The following ST6GALNAC3 variants were observed in gnomAD, a reference collection of about 807,000 sequenced individuals.
ST6GALNAC3 encodes the protein alpha-N-acetylgalactosaminide alpha-2,6-sialyltransferase 3.
ST6GALNAC3 carries 25 observed loss-of-function variants against 32.7 expected under a neutral mutation model. That is an observed-to-expected ratio of 0.76 (90% CI 0.56 to 1.07). The LOEUF (loss-of-function observed/expected upper bound fraction) is 1.07. Among genes scored for constraint, ST6GALNAC3 ranks in the 50% least tolerant of loss-of-function variants. The pLI is 0.00. For missense variants in ST6GALNAC3, 355 were observed against 382.4 expected (o/e 0.93, Z 0.60); for synonymous variants, 129 against 133.1 (o/e 0.97, Z 0.21).
At chr1:76,231,475 C>A (rs1415996840) in intron 1 of ST6GALNAC3, among the ~76,000 whole-genome samples, 2 of 152,036 alleles carry the variant, frequency 1.3e-5, no homozygotes, top group African/African-American at 4.8e-5. Flanking sequence ...AACTCTATAC[C>A]CAGTAAACAA....
At chr1:76,214,399 G>GA (rs200887981) in intron 1 of ST6GALNAC3, among the ~76,000 whole-genome samples, 3,926 of 151,768 alleles carry the variant, frequency 0.026, 78 homozygotes, top group Non-Finnish European at 0.036. Context: ...GCAACCTCTT[G>GA]AAAAAAAATT....
At chr1:76,451,042 G>T (rs1317157996) in intron 3 of ST6GALNAC3, among the ~76,000 whole-genome samples, 1 of 152,070 alleles carries the variant, frequency 6.6e-6, no homozygotes, top group Non-Finnish European at 1.5e-5. Flanking sequence ...GGCTCCTTTT[G>T]GGTTCCACAT....
At chr1:76,563,259 G>A (rs977808955) in intron 3 of ST6GALNAC3, among the ~76,000 whole-genome samples, 1 of 152,178 alleles carries the variant, frequency 6.6e-6, no homozygotes, top group African/African-American at 2.4e-5. Flanking sequence ...AGGGGAGAAA[G>A]GGATGTTAGG....
intron 3 of ST6GALNAC3, among the ~76,000 whole-genome samples, chr1:76,463,410 T>G (rs912926571): frequency 6.6e-6 from 1 of 152,142 alleles, no homozygotes; most frequent in Non-Finnish European, 1.5e-5. Flanking sequence ...GATAAGACAG[T>G]TTTGACTTCA....
intron 2 of ST6GALNAC3, among the ~76,000 whole-genome samples, chr1:76,338,319 A>G (rs1358844236): frequency 1.3e-5 from 2 of 152,172 alleles, no homozygotes; most frequent in African/African-American, 4.8e-5. Context: ...TTGGTTAATT[A>G]TGTTTTGCCA....
At chr1:76,137,238 A>G (rs978972514) in intron 1 of ST6GALNAC3, among the ~76,000 whole-genome samples, 3 of 152,196 alleles carry the variant, frequency 2.0e-5, no homozygotes, top group Non-Finnish European at 2.9e-5. Flanking sequence ...ATTATATTGC[A>G]TCTGTCTGGG....
chr1:76,306,358 T>G (rs939117554), intron 1 of ST6GALNAC3, among the ~76,000 whole-genome samples: 5 of 152,042 alleles, frequency 3.3e-5, no homozygotes, highest in African/African-American at 1.2e-4. Flanking sequence ...CTCTTTCAGC[T>G]CCACAATCCA....
At chr1:76,078,624 G>A (rs78685162) in intron 1 of ST6GALNAC3, among the ~76,000 whole-genome samples, 6,667 of 152,180 alleles carry the variant, frequency 0.044, 183 homozygotes, top group South Asian at 0.086. Flanking sequence ...TTATTCTAAA[G>A]GTTAAATGAG....
chr1:76,100,923 T>C (rs56333798), intron 1 of ST6GALNAC3, among the ~76,000 whole-genome samples: 1 of 151,916 alleles, frequency 6.6e-6, no homozygotes, highest in South Asian at 2.1e-4. Flanking sequence ...AGATAACCCA[T>C]ATAACCCTTG....
chr1:76,480,549 G>A (rs528955561), intron 3 of ST6GALNAC3, among the ~76,000 whole-genome samples: 5 of 152,120 alleles, frequency 3.3e-5, no homozygotes, highest in Non-Finnish European at 5.9e-5. Context: ...TCAGTCTCCT[G>A]TAGGGGTACA....
intron 2 of ST6GALNAC3, among the ~76,000 whole-genome samples, chr1:76,372,629 A>G (rs924335749): frequency 6.6e-6 from 1 of 152,184 alleles, no homozygotes; most frequent in African/African-American, 2.4e-5. Flanking sequence ...AAATTTAAGT[A>G]ATTTATTTAC....
intron 3 of ST6GALNAC3, among the ~76,000 whole-genome samples, chr1:76,462,526 A>G (rs937820488): frequency 6.7e-6 from 1 of 149,912 alleles, no homozygotes; most frequent in Non-Finnish European, 1.5e-5. Flanking sequence ...GGCAGCCAGC[A>G]TTTTTTTTTT....
chr1:76,603,946 G>A (rs542354718), intron 3 of ST6GALNAC3, among the ~76,000 whole-genome samples: 86 of 152,120 alleles, frequency 5.7e-4, no homozygotes, highest in African/African-American at 2.0e-3. Context: ...AATTAAAAGG[G>A]GAATGAAAAG....
Position 76,629,383 on chromosome 1 carries a change from C to A in ST6GALNAC3, c.*577C>A. ...CTACAGCTAAAGCCTCAGGCCATTGCCTAATTAACAATGAAGATTTCATGG... is the reference window on the plus strand; with the variant it reads ...CTACAGCTAAAGCCTCAGGCCATTGACTAATTAACAATGAAGATTTCATGG... On this transcript the variant is annotated 3_prime_UTR_variant, in exon 5 of 5. Transcript: ENST00000328299. 1 of 985,142 alleles carries A rather than the reference C, an allele frequency of 1.0e-6. No homozygotes were observed. The highest frequency in any genetic ancestry group is 1.2e-6 in the Non-Finnish European group (1 of 829,518). 61.0% of individuals were successfully genotyped at this position (985,142 alleles called of 1,614,324 possible). A position where few individuals can be genotyped will look rare whatever the true frequency, so the allele number is the denominator to read the frequency against.
At chr1:76,210,534 G>A (rs986893326) in intron 1 of ST6GALNAC3, among the ~76,000 whole-genome samples, 1 of 151,984 alleles carries the variant, frequency 6.6e-6, no homozygotes, top group African/African-American at 2.4e-5. Flanking sequence ...TATTAATCTG[G>A]TAGGATTTCC....
chr1:76,417,787 A>G (rs1654747685), intron 3 of ST6GALNAC3, among the ~76,000 whole-genome samples: 1 of 152,168 alleles, frequency 6.6e-6, no homozygotes, highest in South Asian at 2.1e-4. Flanking sequence ...GAGCTGCCCT[A>G]AATAGGTCTT....
At chr1:76,392,372 G>T (rs1652635134) in intron 2 of ST6GALNAC3, among the ~76,000 whole-genome samples, 1 of 152,156 alleles carries the variant, frequency 6.6e-6, no homozygotes, top group Non-Finnish European at 1.5e-5. Context: ...AGCAAAGTAT[G>T]AATAGATAGA....
At chr1:76,331,677 C>G (rs1647189127) in intron 2 of ST6GALNAC3, among the ~76,000 whole-genome samples, 1 of 152,170 alleles carries the variant, frequency 6.6e-6, no homozygotes, top group Admixed American at 6.6e-5. Flanking sequence ...TTTTCCTCAC[C>G]ACCTCCAGCT....
intron 2 of ST6GALNAC3, chr1:76,353,952 C>T (rs764586026): frequency 6.2e-4 from 115 of 184,886 alleles, no homozygotes; most frequent in Admixed American, 1.0e-3. Flanking sequence ...TTCTAAACAG[C>T]ACACCCTTCT....
Sources: allele counts gnomAD v4.1 joint callset (sites outside exome capture counted in the v4.1 genomes callset), GRCh38; gene constraint gnomAD v4.1.1; transcripts MANE v1.5; gene names NCBI Gene and HGNC (gene_info 2026-07-23, HGNC 2026-07-21).